Variants in GRAMD4 observed in about 807,000 individuals in gnomAD.
GRAMD4 encodes the protein GRAM domain-containing protein 4.
GRAMD4 carries 25 observed loss-of-function variants against 83.9 expected under a neutral mutation model. That is an observed-to-expected ratio of 0.30 (90% confidence interval 0.22 to 0.42). The LOEUF is 0.42. Ranked by LOEUF, GRAMD4 falls within the 10% of genes least tolerant of loss-of-function variation. GRAMD4 has a pLI of 1.00. For synonymous variants in GRAMD4, 336 were observed against 320.9 expected (o/e 1.05, Z -0.50); for missense variants, 593 against 788.7 (o/e 0.75, Z 2.97).
In GRAMD4 at chr22:46,675,763, G is replaced by T. The variant is rs555202257; in HGVS notation, c.1563+211G>T. 2.6e-5 allele frequency among the ~76,000 whole-genome samples: 4 copies of T among 152,298 alleles called. No individual in the cohort carries two copies. The South Asian group carries it at 8.3e-4, about 32-fold the overall frequency. ...TGGGGTCCACTTGCCTGGACCGTGT[G>T]TCTCAAAGTGGAGGGGCTGGGTTGG... On this transcript the variant is annotated intron_variant, in intron 17 of 18. Transcript: ENST00000406902.
upstream of GRAMD4, chr22:46,620,277 C>T: frequency 1.0e-6 from 1 of 984,344 alleles, no homozygotes; most frequent in Non-Finnish European, 1.2e-6. This position sits in a 1 kb window ranked among gnomAD's most constrained non-coding sequence, Gnocchi z 4.7. Context: ...TGGCCCAATT[C>T]CGTCCTGCTT....
At chr22:46,619,997 C>G (rs190191580), upstream of GRAMD4, among the ~76,000 whole-genome samples, 7 of 152,136 alleles carry the variant, frequency 4.6e-5, no homozygotes, top group South Asian at 6.2e-4. Context: ...TGCCAGCAGC[C>G]GGGCCCTGAT....
chr22:46,627,106 C>T (rs573135999), intron 2 of GRAMD4, 145 bp downstream of exon 2: 33 of 631,696 alleles, frequency 5.2e-5, no homozygotes, highest in Middle Eastern at 4.2e-4. Flanking sequence ...CTCACCTGCT[C>T]CCGACCCCTG....
At chr22:46,630,181 C>T (rs1047123645) in intron 2 of GRAMD4, among the ~76,000 whole-genome samples, 6 of 152,044 alleles carry the variant, frequency 3.9e-5, no homozygotes, top group East Asian at 3.9e-4. Context: ...CACACCACCA[C>T]GCCCGGCTAA....
rs1454012948 is a variant in GRAMD4 at position 46,677,411 on chromosome 22, C to G, written c.*160C>G. 5 of 1,372,012 alleles carry G rather than the reference C, an allele frequency of 3.6e-6. No homozygotes were observed. Among genetic ancestry groups the G allele is most frequent in the Admixed American group, 6.0e-5 (2 of 33,478 alleles). The allele number at this position is 1,372,012 out of a possible 1,614,324, so 85.0% of individuals were successfully genotyped here. A position where few individuals can be genotyped will look rare whatever the true frequency, so the allele number is the denominator to read the frequency against. On this transcript the variant is annotated 3_prime_UTR_variant, in exon 19 of 19. Coordinates refer to ENST00000406902, the MANE Select transcript of GRAMD4 (RefSeq NM_015124.5). ...TATTGTGTTGACCTCTGCGTTTTAT[C>G]GACCAAGAAGGGGCCAGGGCTCACA...
intron 2 of GRAMD4, among the ~76,000 whole-genome samples, chr22:46,628,625 G>A (rs2081714058): frequency 6.6e-6 from 1 of 151,638 alleles, no homozygotes; most frequent in African/African-American, 2.4e-5. Context: ...TGGACTGAGT[G>A]TGTGCGTTGG....
intron 3 of GRAMD4, among the ~76,000 whole-genome samples, chr22:46,657,543 C>T (rs1317443387): frequency 2.0e-5 from 3 of 152,246 alleles, no homozygotes; most frequent in Non-Finnish European, 2.9e-5. Context: ...CGACCTCTGA[C>T]CTCTGACCCT....
At chr22:46,591,345 C>T (rs1302388122) in intron 1 of GRAMD4, among the ~76,000 whole-genome samples, 3 of 151,968 alleles carry the variant, frequency 2.0e-5, no homozygotes, top group African/African-American at 7.3e-5. Flanking sequence ...TAGTGAGACT[C>T]CATCTCTACT....
upstream of GRAMD4, among the ~76,000 whole-genome samples, chr22:46,616,778 A>G (rs1254911633): frequency 8.0e-6 from 1 of 124,552 alleles, no homozygotes; most frequent in Non-Finnish European, 1.6e-5. Context: ...CTGTGCGTGC[A>G]GGTTCCCCTG....
intron 3 of GRAMD4, among the ~76,000 whole-genome samples, chr22:46,657,185 G>A (rs1358706007): frequency 6.6e-6 from 1 of 152,224 alleles, no homozygotes; most frequent in African/African-American, 2.4e-5. Flanking sequence ...GAGCGCCTGG[G>A]CAGGGTCTTG....
intron 1 of GRAMD4, among the ~76,000 whole-genome samples, chr22:46,603,579 C>T (rs1417707583): frequency 3.7e-4 from 44 of 120,432 alleles, no homozygotes; most frequent in Middle Eastern, 6.7e-3. Context: ...TGCAGTGGCG[C>T]GATCCTGGCT....
intron 1 of GRAMD4, among the ~76,000 whole-genome samples, chr22:46,584,279 T>A (rs2081126184): frequency 6.6e-6 from 1 of 151,982 alleles, no homozygotes; most frequent in South Asian, 2.1e-4. Context: ...AGGTGGCGGG[T>A]ACGCTCATCA....
At chr22:46,600,588 C>T (rs1259591067) in intron 1 of GRAMD4, among the ~76,000 whole-genome samples, 5 of 152,108 alleles carry the variant, frequency 3.3e-5, no homozygotes, top group Non-Finnish European at 7.4e-5. Flanking sequence ...ACAGACAGTG[C>T]ACAGGCAGGC....
chr22:46,576,254 C>T (rs1402327065), upstream of GRAMD4, among the ~76,000 whole-genome samples: 1 of 152,212 alleles, frequency 6.6e-6, no homozygotes, highest in African/African-American at 2.4e-5. Context: ...CCCAACTCCT[C>T]GCAACCATCC....
chr22:46,663,571 G>T (rs931533948), intron 6 of GRAMD4, among the ~76,000 whole-genome samples: 1 of 152,242 alleles, frequency 6.6e-6, no homozygotes, highest in Non-Finnish European at 1.5e-5. Context: ...GAGGACTTCT[G>T]TTCTGGGGAC....
At chr22:46,578,772 C>T (rs1054814775) in intron 1 of GRAMD4, among the ~76,000 whole-genome samples, 5 of 152,226 alleles carry the variant, frequency 3.3e-5, no homozygotes, top group Non-Finnish European at 2.9e-5. Flanking sequence ...CACACCCTTC[C>T]GAAGACCCCT....
At chr22:46,612,453 A>G (rs1266227139) in intron 1 of GRAMD4, among the ~76,000 whole-genome samples, 1 of 152,216 alleles carries the variant, frequency 6.6e-6, no homozygotes, top group Non-Finnish European at 1.5e-5. Context: ...GAGCAGGCTC[A>G]GGTGCGCGGG....
Position 46,621,266 on chromosome 22 carries a change from T to C in GRAMD4, c.-50+701T>C, listed in dbSNP as rs546148608. Among the ~76,000 whole-genome samples, 69 of 152,286 alleles carry C rather than the reference T, an allele frequency of 4.5e-4. No individual in the cohort carries two copies. In the Middle Eastern group the frequency reaches 0.01, roughly 23 times the overall value. On this transcript the variant is annotated intron_variant, in intron 1 of 18. Coordinates refer to ENST00000406902, the MANE Select transcript of GRAMD4 (RefSeq NM_015124.5). The surrounding 1 kb of genome is among the most constrained non-coding windows in gnomAD (Gnocchi z 5.8). ...GTAGACGGGCCTTGGTTCCTGCATC[T>C]GTAAGTTGGGCGTGTGCTGGGTAAT...
intron 1 of GRAMD4, among the ~76,000 whole-genome samples, chr22:46,610,334 G>A (rs1484585589): frequency 6.6e-6 from 1 of 152,328 alleles, no homozygotes; most frequent in Non-Finnish European, 1.5e-5. Context: ...TATTCTGCTA[G>A]GCATCTGTGG....
Sources: allele counts gnomAD v4.1 joint callset (sites outside exome capture counted in the v4.1 genomes callset), GRCh38; gene constraint gnomAD v4.1.1; non-coding constraint Gnocchi (gnomAD v3.1); transcripts MANE v1.5; gene names NCBI Gene and HGNC (gene_info 2026-07-23, HGNC 2026-07-21).